SH3BP5: variants seen among roughly 807,000 people sequenced by gnomAD.
SH3BP5 encodes the protein SH3 domain binding protein 5, also known as SH3 domain-binding protein 5.
A neutral mutation model predicts 43.3 loss-of-function variants in SH3BP5; 22 were observed. The ratio of observed to expected loss-of-function variants is 0.51; its 90% CI spans 0.36 to 0.73. The LOEUF (loss-of-function observed/expected upper bound fraction) is 0.73, where lower values mean the gene tolerates loss of function less well. SH3BP5 is among the 30% of genes least tolerant of loss of function. The probability of loss-of-function intolerance (pLI) is 0.00; values close to 1 mark genes in which losing one functional copy is unlikely to be tolerated. For missense variants in SH3BP5, 529 were observed against 586.9 expected (o/e 0.90, Z 1.02); for synonymous variants, 255 against 225.8 (o/e 1.13, Z -1.16).
chr3:15,310,013 C>G (rs1460418562), intron 2 of SH3BP5, among the ~76,000 whole-genome samples: 2 of 147,718 alleles, frequency 1.4e-5, no homozygotes, highest in African/African-American at 5.0e-5. Flanking sequence ...AGGCCACAAA[C>G]CAAAATCTTT....
At position 15,283,543 on chromosome 3, in the gene SH3BP5, C is replaced by T. The variant is rs146501332; in HGVS notation, c.331-13666G>A. On this transcript the variant is annotated intron_variant, in intron 3 of 8. Coordinates refer to ENST00000383791, the MANE Select transcript of SH3BP5 (RefSeq NM_004844.5). ...CCCACATGCAATCTTTTAAGATGTACGGGAAATGAAGGGGCCCAGCAATGG... is the reference window on the plus strand; with the variant it reads ...CCCACATGCAATCTTTTAAGATGTATGGGAAATGAAGGGGCCCAGCAATGG... 7.8e-4 allele frequency among the ~76,000 whole-genome samples: 119 copies of T among 152,302 alleles called. 1 individual carries two copies. The highest frequency in any genetic ancestry group is 2.3e-3 in the African/African-American group (97 of 41,550).
chr3:15,306,063 A>AAAAAAAAAAG lies in SH3BP5; in HGVS notation c.202-1833_202-1832insCTTTTTTTTT, dbSNP rs1407014068. ...GACACATGCATGAGTTTAAAAAAAAAAGAGAAATGGCAGCCGGGCACCATG... is the reference window on the plus strand; with the variant it reads ...GACACATGCATGAGTTTAAAAAAAAAAAAAAAAAAGAGAGAAATGGCAGCCGGGCACCATG... On this transcript the variant is annotated intron_variant, in intron 2 of 8. Coordinates refer to ENST00000383791, the MANE Select transcript of SH3BP5 (RefSeq NM_004844.5). 3.4e-3 allele frequency among the ~76,000 whole-genome samples: 513 copies of AAAAAAAAAAG among 151,466 alleles called. 7 individuals carry two copies. The highest frequency in any genetic ancestry group is 0.028 in the East Asian group (145 of 5,128).
chr3:15,297,617 A>T (rs1177014754), intron 3 of SH3BP5, among the ~76,000 whole-genome samples: 1 of 152,204 alleles, frequency 6.6e-6, no homozygotes, highest in Non-Finnish European at 1.5e-5. Context: ...TTTAGCCCGT[A>T]AGATGTTAAT....
chr3:15,282,206 AG>A (rs1697150795), intron 3 of SH3BP5, among the ~76,000 whole-genome samples: 1 of 152,212 alleles, frequency 6.6e-6, no homozygotes, highest in Non-Finnish European at 1.5e-5. Context: ...TGGAATGCCA[AG>A]GCCTCTGCTA....
At chr3:15,282,089 C>T (rs188880150) in intron 3 of SH3BP5, among the ~76,000 whole-genome samples, 1 of 152,102 alleles carries the variant, frequency 6.6e-6, no homozygotes, top group South Asian at 2.1e-4. Flanking sequence ...ACTATGAGGC[C>T]GTATTCTGTG....
chr3:15,265,559 C>CACACACACACACACACACACACACACAA (rs1285577992), intron 4 of SH3BP5, among the ~76,000 whole-genome samples: 1 of 142,820 alleles, frequency 7.0e-6, no homozygotes, highest in African/African-American at 2.6e-5. Flanking sequence ...CACACACACA[C>CACACACACACACACACACACACACACAA]AACCCTCCAG....
At chr3:15,301,202 G>A (rs1697742500) in intron 3 of SH3BP5, among the ~76,000 whole-genome samples, 1 of 152,124 alleles carries the variant, frequency 6.6e-6, no homozygotes, top group African/African-American at 2.4e-5. Context: ...CAACCCAGAC[G>A]AGGCTGGATT....
At chr3:15,258,796 A>G (rs752529741) in intron 7 of SH3BP5, 35 bp downstream of exon 7, 2 of 1,549,946 alleles carry the variant, frequency 1.3e-6, no homozygotes, top group East Asian at 4.5e-5. Context: ...ACAGTCTGAT[A>G]TCTCCCCACA....
chr3:15,262,461 C>T (rs148206713), intron 4 of SH3BP5, among the ~76,000 whole-genome samples, 172 bp from the exon 5 acceptor site: 1 of 152,090 alleles, frequency 6.6e-6, no homozygotes, highest in Non-Finnish European at 1.5e-5. Context: ...AGATCGGGAC[C>T]ATCCTAGCCA....
intron 2 of SH3BP5, among the ~76,000 whole-genome samples, chr3:15,323,815 T>C (rs866882976): frequency 6.6e-6 from 1 of 152,216 alleles, no homozygotes; most frequent in African/African-American, 2.4e-5. Flanking sequence ...CCCACAGCTA[T>C]GAAGAGGGAG....
intron 7 of SH3BP5, chr3:15,258,298 A>G (rs1338177542): frequency 6.6e-6 from 1 of 152,236 alleles, no homozygotes; most frequent in Non-Finnish European, 1.5e-5. Context: ...CTGGGAAAAG[A>G]GGTCTCTATG....
At chr3:15,314,952 T>G (rs1218707393) in intron 2 of SH3BP5, among the ~76,000 whole-genome samples, 1 of 151,984 alleles carries the variant, frequency 6.6e-6, no homozygotes, top group Non-Finnish European at 1.5e-5. Flanking sequence ...CTCCCTCTCT[T>G]AGGAATCAGA....
chr3:15,259,104 C>T (rs1205621862), intron 6 of SH3BP5, 54 bp from the exon 7 acceptor site: 4 of 1,405,282 alleles, frequency 2.8e-6, no homozygotes, highest in Admixed American at 1.7e-5. Flanking sequence ...CCTTAAGATG[C>T]TTTCTGAATG....
chr3:15,292,021 T>C (rs952732646), intron 3 of SH3BP5, among the ~76,000 whole-genome samples: 9 of 151,966 alleles, frequency 5.9e-5, no homozygotes, highest in Non-Finnish European at 1.0e-4. Context: ...CCAGGCAACA[T>C]AAAAAGGCCA....
rs1696142246 is a variant in SH3BP5 at position 15,255,006 on chromosome 3, T to C, written c.*1080A>G. ...TACAGGCTGTGACAGAATTAACAGT[T>C]TGAAAGAGGGTTGCTTTTTTCTTTT... On this transcript the variant is annotated 3_prime_UTR_variant, in exon 9 of 9. Coordinates refer to ENST00000383791, the MANE Select transcript of SH3BP5 (RefSeq NM_004844.5). 1 of 152,438 alleles carries C rather than the reference T, an allele frequency of 6.6e-6. No individual in the cohort carries two copies. The allele number at this position is 152,438 out of a possible 1,614,324, so 9.4% of individuals were successfully genotyped here. A position where few individuals can be genotyped will look rare whatever the true frequency, so the allele number is the denominator to read the frequency against.
At chr3:15,324,864 A>C (rs1698421993) in intron 2 of SH3BP5, among the ~76,000 whole-genome samples, 1 of 152,114 alleles carries the variant, frequency 6.6e-6, no homozygotes, top group Non-Finnish European at 1.5e-5. Context: ...TCCAAAAAAA[A>C]AAAAAAAAAG....
chr3:15,268,362 TC>T (rs1387657506), intron 4 of SH3BP5, among the ~76,000 whole-genome samples: 1 of 152,090 alleles, frequency 6.6e-6, no homozygotes, highest in East Asian at 1.9e-4. Flanking sequence ...TCTAATCCAG[TC>T]CCCCAGACGG....
At position 15,332,167 on chromosome 3, in the gene SH3BP5, C is replaced by A; in HGVS notation, c.138+104G>T. 2.0e-6 allele frequency: 3 copies of A among 1,508,090 alleles called. No homozygotes were observed. In the East Asian group the frequency reaches 7.4e-5, roughly 37 times the overall value. The allele number at this position is 1,508,090 out of a possible 1,614,324, so 93.4% of individuals were successfully genotyped here. A position where few individuals can be genotyped will look rare whatever the true frequency, so the allele number is the denominator to read the frequency against. ...GCCACCCTATGTGGCCGCCAGTCCCCGGACCACAGTTACTGGGGGCTGCGA... is the reference window on the plus strand; with the variant it reads ...GCCACCCTATGTGGCCGCCAGTCCCAGGACCACAGTTACTGGGGGCTGCGA... On this transcript the variant is annotated intron_variant, in intron 1 of 8. Coordinates refer to ENST00000383791, the MANE Select transcript of SH3BP5 (RefSeq NM_004844.5).
upstream of SH3BP5, among the ~76,000 whole-genome samples, chr3:15,335,783 G>T (rs1037805499): frequency 6.6e-6 from 1 of 152,162 alleles, no homozygotes. Context: ...TAAATGCATA[G>T]CAAAAGGCCT....
Sources: allele counts gnomAD v4.1 joint callset (sites outside exome capture counted in the v4.1 genomes callset), GRCh38; gene constraint gnomAD v4.1.1; transcripts MANE v1.5; gene names NCBI Gene and HGNC (gene_info 2026-07-23, HGNC 2026-07-21).